Variants in ADAMTSL1 observed in about 807,000 individuals in gnomAD.
ADAMTSL1 encodes the protein ADAMTS-like protein 1.
A neutral mutation model predicts 201.8 loss-of-function variants in ADAMTSL1; 126 were observed. The observed-to-expected ratio is 0.62, with a 90% CI of 0.54 to 0.72. The LOEUF is 0.72. ADAMTSL1 is among the 30% of genes least tolerant of loss of function. ADAMTSL1 has a pLI of 0.00. For synonymous variants in ADAMTSL1, 1,121 were observed against 903.4 expected (o/e 1.24, Z -4.32); for missense variants, 2,679 against 2,277.8 (o/e 1.18, Z -3.59).
At chr9:18,091,837 A>G (rs1824034034) in intron 1 of ADAMTSL1, among the ~76,000 whole-genome samples, 1 of 152,116 alleles carries the variant, frequency 6.6e-6, no homozygotes, top group Admixed American at 6.6e-5. Flanking sequence ...GATGAATAAG[A>G]AAACAGAGCA....
At chr9:18,334,162 G>GA (rs201279849) in intron 2 of ADAMTSL1, among the ~76,000 whole-genome samples, 13 of 151,098 alleles carry the variant, frequency 8.6e-5, no homozygotes, top group East Asian at 5.8e-4. Flanking sequence ...AGCATTTAAT[G>GA]AAAAAAAAAT....
rs1042100238 is a variant in ADAMTSL1, at chr9:18,266,804, T to C, written c.207+102823T>C. 3.3e-5 allele frequency among the ~76,000 whole-genome samples: 5 copies of C among 152,162 alleles called. No homozygotes were observed. The East Asian group carries it at 7.7e-4, about 23-fold the overall frequency. On this transcript the variant is annotated intron_variant, in intron 2 of 29. Coordinates refer to the ADAMTSL1 transcript ENST00000680146. ...ATTTCTCACATTGACGGTTCCTTTT[T>C]TCTTTTAATAAATCTTTCTCCAGAC...
At chr9:18,626,047 A>AT (rs1826340665) in intron 5 of ADAMTSL1, among the ~76,000 whole-genome samples, 1 of 152,208 alleles carries the variant, frequency 6.6e-6, no homozygotes, top group African/African-American at 2.4e-5. Context: ...ATACATATGG[A>AT]TTTTTTAAAG....
intron 3 of ADAMTSL1, among the ~76,000 whole-genome samples, chr9:18,560,855 C>T (rs370962644): frequency 1.9e-4 from 28 of 150,206 alleles, no homozygotes; most frequent in African/African-American, 6.4e-4. Flanking sequence ...GGTGATATCC[C>T]CCTTATCATT....
chr9:18,169,488 T>G (rs1827793250), intron 2 of ADAMTSL1, among the ~76,000 whole-genome samples: 2 of 152,126 alleles, frequency 1.3e-5, no homozygotes, highest in South Asian at 2.1e-4. Flanking sequence ...GATCTATATC[T>G]CTGTTTTGGT....
intron 1 of ADAMTSL1, among the ~76,000 whole-genome samples, chr9:17,962,841 G>C (rs1817812137): frequency 6.6e-6 from 1 of 152,194 alleles, no homozygotes; most frequent in African/African-American, 2.4e-5. Context: ...TATTTCATGG[G>C]TTGAACAGTG....
chr9:18,849,585 C>T (rs933183616), intron 23 of ADAMTSL1, among the ~76,000 whole-genome samples: 1 of 152,010 alleles, frequency 6.6e-6, no homozygotes, highest in Admixed American at 6.6e-5. Context: ...AAGGTGATGC[C>T]AAGGAAGGAC....
At chr9:18,111,887 C>T (rs77084926) in intron 1 of ADAMTSL1, among the ~76,000 whole-genome samples, 1 of 152,082 alleles carries the variant, frequency 6.6e-6, no homozygotes, top group East Asian at 1.9e-4. Context: ...TGCATCTCTT[C>T]AAATGGGATT....
intron 1 of ADAMTSL1, among the ~76,000 whole-genome samples, chr9:18,108,287 A>G (rs1587068656): frequency 6.6e-6 from 1 of 150,496 alleles, no homozygotes; most frequent in Non-Finnish European, 1.5e-5. Flanking sequence ...AGCAGCCCCA[A>G]CCTCCAGGCT....
chr9:18,495,406 C>G (rs1822485812), intron 1 of ADAMTSL1, among the ~76,000 whole-genome samples: 1 of 152,072 alleles, frequency 6.6e-6, no homozygotes, highest in African/African-American at 2.4e-5. Context: ...AAATAGTAAA[C>G]CTGAGTAAGC....
At chr9:18,183,829 G>A (rs562195546) in intron 2 of ADAMTSL1, among the ~76,000 whole-genome samples, 93 of 152,298 alleles carry the variant, frequency 6.1e-4, no homozygotes, top group African/African-American at 2.2e-3. Flanking sequence ...ATTACAGCTT[G>A]AAGATTCTTG....
At chr9:18,446,235 G>T (rs1426946470) in intron 2 of ADAMTSL1, among the ~76,000 whole-genome samples, 8 of 152,284 alleles carry the variant, frequency 5.3e-5, no homozygotes, top group Admixed American at 4.6e-4. Flanking sequence ...CTATATATGG[G>T]CTTAAGTCTA....
At chr9:18,832,922 G>A (rs56325857) in intron 23 of ADAMTSL1, among the ~76,000 whole-genome samples, 10,326 of 152,222 alleles carry the variant, frequency 0.068, 455 homozygotes, top group East Asian at 0.16. Context: ...CAGCAGTAAG[G>A]GGGGAAAGGA....
At chr9:18,238,126 T>C (rs1830918807) in intron 2 of ADAMTSL1, among the ~76,000 whole-genome samples, 1 of 152,230 alleles carries the variant, frequency 6.6e-6, no homozygotes, top group Admixed American at 6.5e-5. Flanking sequence ...CTGGGAGATG[T>C]TGACTGTTGC....
chr9:18,244,112 CGT>C (rs5896779), intron 2 of ADAMTSL1, among the ~76,000 whole-genome samples: 75,276 of 148,050 alleles, frequency 0.51, 19,163 homozygotes, highest in East Asian at 0.7. Flanking sequence ...TGTGTGTGTA[CGT>C]GTGTGTGTGT....
chr9:18,389,856 T>G (rs1278290117), intron 2 of ADAMTSL1, among the ~76,000 whole-genome samples: 1 of 152,174 alleles, frequency 6.6e-6, no homozygotes, highest in Non-Finnish European at 1.5e-5. Context: ...TACAGATATA[T>G]AGCTTAAATG....
At chr9:18,807,545 T>G (rs560834397) in intron 20 of ADAMTSL1, among the ~76,000 whole-genome samples, 46 of 150,106 alleles carry the variant, frequency 3.1e-4, no homozygotes, top group African/African-American at 1.1e-3. Flanking sequence ...GTCGGGAGCC[T>G]GAGGCGGGAG....
At chr9:18,008,018 A>G (rs1819900092) in intron 1 of ADAMTSL1, among the ~76,000 whole-genome samples, 1 of 152,046 alleles carries the variant, frequency 6.6e-6, no homozygotes, top group Non-Finnish European at 1.5e-5. Context: ...AAATTCAAAG[A>G]AACATATTTT....
chr9:18,315,929 C>T (rs565606814), intron 2 of ADAMTSL1, among the ~76,000 whole-genome samples: 19 of 152,316 alleles, frequency 1.2e-4, no homozygotes, highest in East Asian at 7.7e-4. Context: ...GAACCTGCCC[C>T]GATATTCATG....
Sources: gnomAD v4.1 joint callset for allele counts (sites outside exome capture counted in the v4.1 genomes callset) on GRCh38, gnomAD v4.1.1 for gene constraint, MANE v1.5 for transcripts, NCBI Gene and HGNC (gene_info 2026-07-23, HGNC 2026-07-21) for gene names.